Variants in GOLPH3 observed in about 807,000 individuals in gnomAD.
The protein encoded by GOLPH3 is coat protein GPP34.
Under a neutral mutation model 28.5 loss-of-function variants are expected in GOLPH3, and 14 were observed. That is an observed-to-expected ratio of 0.49 (90% CI 0.32 to 0.77). GOLPH3 has a LOEUF of 0.77. Ranked by LOEUF, GOLPH3 falls within the 30% of genes least tolerant of loss-of-function variation. GOLPH3 has a pLI of 0.03. For synonymous variants in GOLPH3, 158 were observed against 159.2 expected, an observed-to-expected ratio of 0.99 and a Z score of 0.06; for missense variants, 350 against 393.7, an observed-to-expected ratio of 0.89 and a Z score of 0.94.
chr5:32,141,813 G>T (rs905663339), intron 2 of GOLPH3, among the ~76,000 whole-genome samples: 1 of 151,966 alleles, frequency 6.6e-6, no homozygotes, highest in Admixed American at 6.6e-5. Context: ...TGTGTTGGCC[G>T]GGCTGGTCTC....
At position 32,162,669 on chromosome 5, in the gene GOLPH3, C is replaced by T. The variant is rs555895981; in HGVS notation, c.225+11141G>A. ...GACCACTATAAACTTTAACTTACTT[C>T]TCTAGGCTAGGTAATTACCCATTTG... On this transcript the variant is annotated intron_variant, in intron 1 of 3. Coordinates refer to ENST00000265070, the MANE Select transcript of GOLPH3 (RefSeq NM_022130.4). 1.1e-4 allele frequency among the ~76,000 whole-genome samples: 16 copies of T among 152,350 alleles called. No individual in the cohort carries two copies. In the South Asian group the frequency reaches 3.3e-3, roughly 32 times the overall value.
At chr5:32,129,034 T>C (rs1414040663) in intron 3 of GOLPH3, among the ~76,000 whole-genome samples, 2 of 151,832 alleles carry the variant, frequency 1.3e-5, no homozygotes, top group Non-Finnish European at 2.9e-5. Flanking sequence ...ATACAAAAAT[T>C]AGCCAGGCAT....
intron 1 of GOLPH3, among the ~76,000 whole-genome samples, chr5:32,164,275 TAAG>T (rs1184538544): frequency 3.3e-5 from 5 of 152,220 alleles, no homozygotes; most frequent in African/African-American, 7.2e-5. Context: ...ACTGTTCCCT[TAAG>T]AAGTACTTCC....
intron 1 of GOLPH3, among the ~76,000 whole-genome samples, chr5:32,152,298 T>C (rs894785203): frequency 6.6e-6 from 1 of 151,588 alleles, no homozygotes; most frequent in African/African-American, 2.4e-5. Flanking sequence ...GGCTAATTAT[T>C]CTATTTTTAG....
At chr5:32,135,488 T>G in intron 3 of GOLPH3, 84 bp downstream of exon 3, 1 of 808,708 alleles carries the variant, frequency 1.2e-6, no homozygotes, top group South Asian at 1.6e-5. Context: ...TTCTGGCTAT[T>G]TTGTGTAGGT....
At position 32,149,589 on chromosome 5, in the gene GOLPH3, G is replaced by A. The variant is rs112269190; in HGVS notation, c.226-5709C>T. On this transcript the variant is annotated intron_variant, in intron 1 of 3. Transcript: ENST00000265070. ...AAATTTTGATTATGTCAAAAATTAAGAATCAAAAAGTTCTTGACAAAAATA... is the reference window on the plus strand; with the variant it reads ...AAATTTTGATTATGTCAAAAATTAAAAATCAAAAAGTTCTTGACAAAAATA... Among the ~76,000 whole-genome samples, 843 of 143,348 alleles carry A rather than the reference G, an allele frequency of 5.9e-3. 8 individuals are homozygous for A. The highest frequency in any genetic ancestry group is 0.02 in the African/African-American group (781 of 39,294). The allele number at this position is 143,348 out of a possible 152,430, so 94.0% of individuals were successfully genotyped here.
intron 1 of GOLPH3, among the ~76,000 whole-genome samples, chr5:32,166,326 C>T (rs952144324): frequency 7.9e-5 from 12 of 152,106 alleles, no homozygotes; most frequent in Non-Finnish European, 1.6e-4. Flanking sequence ...AGAGAAATAG[C>T]CTATGTTCTA....
At chr5:32,143,041 G>A (rs1225581928) in intron 2 of GOLPH3, among the ~76,000 whole-genome samples, 3 of 152,288 alleles carry the variant, frequency 2.0e-5, no homozygotes, top group Admixed American at 1.3e-4. Context: ...TTGAGAAATC[G>A]GATGGTTGCC....
At position 32,142,293 on chromosome 5, in the gene GOLPH3, G is replaced by A. The variant is rs553488465; in HGVS notation, c.357+1456C>T. Among the ~76,000 whole-genome samples, 13 of 149,768 alleles carry A rather than the reference G, an allele frequency of 8.7e-5. No homozygotes were observed. In the South Asian group the frequency reaches 2.6e-3, roughly 29 times the overall value. On this transcript the variant is annotated intron_variant, in intron 2 of 3. Transcript: ENST00000265070. ...ATGTGAGGAGCATCTCTGCCCGGAC[G>A]CCCCGTCTGAGAAATGAGGAGACCC...
At chr5:32,167,990 T>C (rs927701160) in intron 1 of GOLPH3, among the ~76,000 whole-genome samples, 1 of 152,102 alleles carries the variant, frequency 6.6e-6, no homozygotes, top group East Asian at 1.9e-4. Flanking sequence ...TTTAATGAAC[T>C]TCAAAAGTAA....
At chr5:32,161,726 G>A (rs912466259) in intron 1 of GOLPH3, among the ~76,000 whole-genome samples, 1 of 151,334 alleles carries the variant, frequency 6.6e-6, no homozygotes, top group Non-Finnish European at 1.5e-5. Flanking sequence ...CTCTGGGCTT[G>A]ACCTAAAAAT....
At chr5:32,140,865 T>C (rs1425960866) in intron 2 of GOLPH3, among the ~76,000 whole-genome samples, 2 of 150,772 alleles carry the variant, frequency 1.3e-5, no homozygotes, top group Admixed American at 6.6e-5. Flanking sequence ...CAACTCTGTA[T>C]ACTAGAAAAC....
chr5:32,167,041 T>C (rs954000580), intron 1 of GOLPH3, among the ~76,000 whole-genome samples: 1 of 152,118 alleles, frequency 6.6e-6, no homozygotes, highest in Non-Finnish European at 1.5e-5. Context: ...ACAAGCATAA[T>C]GCCTGATGCC....
At position 32,173,942 on chromosome 5, in the gene GOLPH3, G is replaced by T; in HGVS notation, c.93C>A (p.Gly31=). The stretch of plus-strand genomic sequence containing the variant: ...CGTCGTCCTCGCTGCTGCCGGCGCC[G>T]CCGCCCGCCGCCCGCTCCTTGTCGG... ...NAADKERAAG[G]GAGSSEDDAQ... is the part of the protein sequence containing the mutation. The change falls in exon 1 of 4, where the codon GGC becomes GGA. Residue 31 remains glycine (G), a synonymous_variant. Transcript: ENST00000265070. 6.8e-7 allele frequency: 1 copy of T among 1,463,476 alleles called. No individual in the cohort carries two copies. Among genetic ancestry groups the T allele is most frequent in the Non-Finnish European group, 9.0e-7 (1 of 1,113,102 alleles). The allele number at this position is 1,463,476 out of a possible 1,614,324, so 90.7% of individuals were successfully genotyped here.
intron 1 of GOLPH3, among the ~76,000 whole-genome samples, chr5:32,162,963 A>G (rs915753627): frequency 6.6e-6 from 1 of 152,322 alleles, no homozygotes; most frequent in South Asian, 2.1e-4. Context: ...CTGTAGTCCC[A>G]GCTACTCGGG....
chr5:32,128,552 G>A (rs1439193077), intron 3 of GOLPH3, among the ~76,000 whole-genome samples: 1 of 151,998 alleles, frequency 6.6e-6, no homozygotes, highest in Non-Finnish European at 1.5e-5. Context: ...TCAGCTACTC[G>A]GACGGCTGAG....
intron 1 of GOLPH3, among the ~76,000 whole-genome samples, chr5:32,162,711 T>C (rs930034413): frequency 2.0e-5 from 3 of 152,232 alleles, no homozygotes; most frequent in Admixed American, 6.5e-5. Context: ...TTCAGCACCA[T>C]GTGGTTTTCA....
intron 1 of GOLPH3, among the ~76,000 whole-genome samples, chr5:32,157,765 T>C (rs905513762): frequency 6.6e-6 from 1 of 151,940 alleles, no homozygotes; most frequent in Non-Finnish European, 1.5e-5. Context: ...TCACTTAAGG[T>C]CAGCAGATTT....
At chr5:32,171,004 T>C (rs1362865246) in intron 1 of GOLPH3, among the ~76,000 whole-genome samples, 1 of 152,144 alleles carries the variant, frequency 6.6e-6, no homozygotes, top group Admixed American at 6.6e-5. Context: ...CAAAGTATAA[T>C]GAGTGACTCT....
Sources: gnomAD v4.1 joint callset for allele counts (sites outside exome capture counted in the v4.1 genomes callset) on GRCh38, gnomAD v4.1.1 for gene constraint, MANE v1.5 for transcripts, NCBI Gene and HGNC (gene_info 2026-07-23, HGNC 2026-07-21) for gene names.